CFAP299: variants seen among roughly 807,000 people sequenced by gnomAD.
CFAP299 encodes cilia- and flagella-associated protein 299.
In CFAP299, 21 loss-of-function variants were observed where a neutral mutation model predicts 27.0. The ratio of observed to expected loss-of-function variants is 0.78; its 90% CI spans 0.55 to 1.12. CFAP299 has a LOEUF of 1.12. Among genes scored for constraint, CFAP299 ranks in the 50% most tolerant of loss-of-function variants. CFAP299 has a pLI of 0.00. For missense variants in CFAP299, 310 were observed against 276.6 expected, an observed-to-expected ratio of 1.12 and a Z score of -0.86; for synonymous variants, 104 against 98.1, an observed-to-expected ratio of 1.06 and a Z score of -0.36.
chr4:80,894,305 T>C (rs1334434308), intron 4 of CFAP299, among the ~76,000 whole-genome samples: 1 of 151,960 alleles, frequency 6.6e-6, no homozygotes, highest in Non-Finnish European at 1.5e-5. Context: ...CCCAGAGATG[T>C]TGTGAATTAT....
chr4:80,731,755 T>A (rs949410620), intron 3 of CFAP299, among the ~76,000 whole-genome samples: 3 of 152,166 alleles, frequency 2.0e-5, no homozygotes, highest in Non-Finnish European at 4.4e-5. Context: ...TTTGGCTGAG[T>A]TGATGTTTAT....
intron 3 of CFAP299, among the ~76,000 whole-genome samples, chr4:80,849,246 T>C (rs1225603070): frequency 6.6e-6 from 1 of 152,108 alleles, no homozygotes; most frequent in African/African-American, 2.4e-5. Flanking sequence ...CTACACCGGG[T>C]CAGGATCATC....
At chr4:80,350,711 C>G (rs1722972706) in intron 1 of CFAP299, among the ~76,000 whole-genome samples, 3 of 152,066 alleles carry the variant, frequency 2.0e-5, no homozygotes, top group Admixed American at 2.0e-4. Flanking sequence ...CATGTTCTCA[C>G]TAATAAGTGG....
chr4:80,469,180 G>A (rs1044439514), intron 2 of CFAP299, among the ~76,000 whole-genome samples: 20 of 152,218 alleles, frequency 1.3e-4, no homozygotes, highest in African/African-American at 4.8e-4. Context: ...CCACACCTTA[G>A]ATTTACTGAA....
chr4:80,929,938 A>G (rs1234283551), intron 4 of CFAP299, among the ~76,000 whole-genome samples: 3 of 152,118 alleles, frequency 2.0e-5, no homozygotes, highest in Non-Finnish European at 2.9e-5. Context: ...TATAACTCCT[A>G]AAATTCTTGG....
chr4:80,868,737 A>T (rs950066916), intron 3 of CFAP299, among the ~76,000 whole-genome samples: 3 of 151,432 alleles, frequency 2.0e-5, no homozygotes, highest in Non-Finnish European at 4.4e-5. Flanking sequence ...TTTAGATTTT[A>T]TTCAGAATTT....
intron 2 of CFAP299, among the ~76,000 whole-genome samples, chr4:80,527,967 AC>A (rs1733271872): frequency 6.6e-6 from 1 of 152,112 alleles, no homozygotes. Flanking sequence ...GGTAGATATC[AC>A]CCCAACTTTT....
chr4:80,691,667 C>G (rs2110016825), intron 3 of CFAP299, among the ~76,000 whole-genome samples: 1 of 150,376 alleles, frequency 6.6e-6, no homozygotes, highest in Non-Finnish European at 1.5e-5. Flanking sequence ...CACTCCTATT[C>G]AACATAGTGT....
chr4:80,832,128 A>G (rs907629719), intron 3 of CFAP299, among the ~76,000 whole-genome samples: 4 of 152,112 alleles, frequency 2.6e-5, no homozygotes, highest in African/African-American at 9.7e-5. Flanking sequence ...TTCTTGTGTA[A>G]TGCCCAGGAA....
intron 3 of CFAP299, among the ~76,000 whole-genome samples, chr4:80,826,104 A>T (rs925204829): frequency 1.8e-4 from 27 of 152,002 alleles, no homozygotes; most frequent in African/African-American, 6.5e-4. Context: ...ATGAAACTGT[A>T]TAAAAGCAGT....
At chr4:80,515,772 T>G (rs996963241) in intron 2 of CFAP299, among the ~76,000 whole-genome samples, 2 of 152,190 alleles carry the variant, frequency 1.3e-5, no homozygotes, top group African/African-American at 4.8e-5. Context: ...TTCACATGCA[T>G]TTATTTATCT....
At chr4:80,941,477 T>C (rs1737191791) in intron 4 of CFAP299, among the ~76,000 whole-genome samples, 1 of 152,104 alleles carries the variant, frequency 6.6e-6, no homozygotes, top group Non-Finnish European at 1.5e-5. Flanking sequence ...AATTGAAAAT[T>C]TCATAGATTT....
intron 3 of CFAP299, among the ~76,000 whole-genome samples, chr4:80,793,645 C>T (rs2110100599): frequency 6.6e-6 from 1 of 152,204 alleles, no homozygotes; most frequent in East Asian, 1.9e-4. Flanking sequence ...AGAAACACAC[C>T]AAATCCCAAC....
chr4:80,542,746 T>A (rs1685846992), intron 2 of CFAP299, among the ~76,000 whole-genome samples: 1 of 152,144 alleles, frequency 6.6e-6, no homozygotes, highest in South Asian at 2.1e-4. Flanking sequence ...CCATAGTTTT[T>A]TTTTTTTGCC....
intron 3 of CFAP299, among the ~76,000 whole-genome samples, chr4:80,758,644 A>T (rs577074632): frequency 5.6e-4 from 85 of 152,274 alleles, no homozygotes; most frequent in Non-Finnish European, 9.7e-4. Flanking sequence ...TAACATATTT[A>T]TAATAAGAAC....
intron 3 of CFAP299, among the ~76,000 whole-genome samples, chr4:80,862,981 T>C (rs959067354): frequency 6.6e-6 from 1 of 152,174 alleles, no homozygotes; most frequent in African/African-American, 2.4e-5. Flanking sequence ...AAATCACTTA[T>C]GTTCTGAAAC....
At chr4:80,695,793 C>A (rs1432995565) in intron 3 of CFAP299, among the ~76,000 whole-genome samples, 1 of 151,638 alleles carries the variant, frequency 6.6e-6, no homozygotes, top group African/African-American at 2.4e-5. Flanking sequence ...CCACCTCAGC[C>A]TACTGGCACA....
At chr4:80,369,883 A>G (rs1173878388) in intron 2 of CFAP299, among the ~76,000 whole-genome samples, 1 of 152,214 alleles carries the variant, frequency 6.6e-6, no homozygotes, top group Non-Finnish European at 1.5e-5. Flanking sequence ...TGCATGCATA[A>G]TATGACCAGA....
chr4:80,781,202 A>C (rs1726856790), intron 3 of CFAP299, among the ~76,000 whole-genome samples: 1 of 152,074 alleles, frequency 6.6e-6, no homozygotes, highest in Non-Finnish European at 1.5e-5. Context: ...CTTCAGAAAA[A>C]GTAACTTCGT....
Sources: allele counts gnomAD v4.1 joint callset (sites outside exome capture counted in the v4.1 genomes callset), GRCh38; gene constraint gnomAD v4.1.1; transcripts MANE v1.5; gene names NCBI Gene and HGNC (gene_info 2026-07-23, HGNC 2026-07-21).